ITPR2: variants seen among roughly 807,000 people sequenced by gnomAD.
ITPR2 encodes the protein inositol 1,4,5-trisphosphate receptor type 2.
Under a neutral mutation model 317.1 loss-of-function variants are expected in ITPR2, and 207 were observed. The ratio of observed to expected loss-of-function variants is 0.65; its 90% CI spans 0.58 to 0.73. The LOEUF is 0.73. Among genes scored for constraint, ITPR2 ranks in the 30% least tolerant of loss-of-function variants. The pLI is 0.00. For missense variants in ITPR2, 2,613 were observed against 3,284.0 expected (o/e 0.80, Z 4.99); for synonymous variants, 1,156 against 1,149.1 (o/e 1.01, Z -0.12).
At chr12:26,355,590 T>C (rs963285676) in intron 55 of ITPR2, among the ~76,000 whole-genome samples, 4 of 152,234 alleles carry the variant, frequency 2.6e-5, no homozygotes, top group Non-Finnish European at 5.9e-5. Flanking sequence ...CATATTTCTT[T>C]TGTGAGAGTG....
intron 2 of ITPR2, among the ~76,000 whole-genome samples, chr12:26,749,047 T>G (rs777182487): frequency 2.5e-4 from 38 of 151,832 alleles, no homozygotes; most frequent in Non-Finnish European, 4.6e-4. Context: ...TTACTCAGAT[T>G]TGACTACGTG....
chr12:26,506,155 G>T (rs1236625895), intron 37 of ITPR2, among the ~76,000 whole-genome samples: 1 of 151,498 alleles, frequency 6.6e-6, no homozygotes, highest in African/African-American at 2.4e-5. Flanking sequence ...GATTTCTTGA[G>T]CCCAGGAGTT....
intron 2 of ITPR2, among the ~76,000 whole-genome samples, chr12:26,759,966 C>T (rs540353878): frequency 3.5e-4 from 53 of 152,288 alleles, no homozygotes; most frequent in Middle Eastern, 3.4e-3. Flanking sequence ...GGAATGGATT[C>T]CAGGACCCTC....
rs1017810523 is a variant in ITPR2, at chr12:26,336,662, T to C, written c.*2735A>G. 2 of 152,186 alleles carry C rather than the reference T, an allele frequency of 1.3e-5. No individual in the cohort carries two copies. The highest frequency in any genetic ancestry group is 4.8e-5 in the African/African-American group (2 of 41,454). The allele number at this position is 152,186 out of a possible 1,614,324, so 9.4% of individuals were successfully genotyped here. ...GGAGCACAGAGGGAACAAAACCCTT[T>C]TGAAATTAAAAATATTATTCAGCAG... On this transcript the variant is annotated 3_prime_UTR_variant, in exon 57 of 57. Coordinates refer to ENST00000381340, the MANE Select transcript of ITPR2 (RefSeq NM_002223.4).
At chr12:26,565,072 T>C (rs1411049576) in intron 34 of ITPR2, among the ~76,000 whole-genome samples, 1 of 152,166 alleles carries the variant, frequency 6.6e-6, no homozygotes, top group African/African-American at 2.4e-5. Flanking sequence ...TTTATGTCCA[T>C]CTAAACTAAA....
chr12:26,516,510 AGAATATATATAAG>A (rs1185422789), intron 37 of ITPR2, among the ~76,000 whole-genome samples: 1 of 152,102 alleles, frequency 6.6e-6, no homozygotes, highest in Non-Finnish European at 1.5e-5. Flanking sequence ...ATCAACTGAA[AGAATATATATAAG>A]GAATATAAAG....
chr12:26,347,950 G>A (rs1390486441), intron 55 of ITPR2, among the ~76,000 whole-genome samples: 1 of 152,204 alleles, frequency 6.6e-6, no homozygotes, highest in African/African-American at 2.4e-5. Flanking sequence ...CATTTAATAT[G>A]TACCTTCACC....
chr12:26,578,164 C>G (rs1254863047), intron 34 of ITPR2, among the ~76,000 whole-genome samples: 9 of 151,496 alleles, frequency 5.9e-5, no homozygotes, highest in Admixed American at 2.0e-4. Context: ...CCCTAATTAA[C>G]TTATTAACTT....
chr12:26,550,103 A>C (rs1021041951), intron 37 of ITPR2, 144 bp downstream of exon 37: 1 of 434,056 alleles, frequency 2.3e-6, no homozygotes, highest in Non-Finnish European at 4.0e-6. Context: ...TATCATAAAA[A>C]CTCAAATTAT....
intron 1 of ITPR2, among the ~76,000 whole-genome samples, chr12:26,813,546 C>G (rs1419419597): frequency 6.6e-6 from 1 of 152,172 alleles, no homozygotes; most frequent in African/African-American, 2.4e-5. Context: ...CTTTTTAAAT[C>G]TCGTAGCAGC....
At chr12:26,394,235 A>C (rs1591986763) in intron 54 of ITPR2, among the ~76,000 whole-genome samples, 1 of 152,340 alleles carries the variant, frequency 6.6e-6, no homozygotes, top group Middle Eastern at 3.4e-3. Context: ...AGGATGCAGA[A>C]CCAGTGTAGA....
At chr12:26,759,890 C>G (rs539829139) in intron 2 of ITPR2, among the ~76,000 whole-genome samples, 1 of 152,290 alleles carries the variant, frequency 6.6e-6, no homozygotes, top group African/African-American at 2.4e-5. Context: ...AAAAACAACT[C>G]TCAGCATTTC....
chr12:26,633,708 G>A (rs1216547927), intron 21 of ITPR2, among the ~76,000 whole-genome samples: 3 of 152,198 alleles, frequency 2.0e-5, no homozygotes, highest in African/African-American at 4.8e-5. Flanking sequence ...ACTGCAGGGA[G>A]GCACATCTGG....
intron 55 of ITPR2, among the ~76,000 whole-genome samples, chr12:26,348,470 T>C (rs1938375598): frequency 6.6e-6 from 1 of 152,170 alleles, no homozygotes; most frequent in Non-Finnish European, 1.5e-5. Flanking sequence ...AATTAGGAGA[T>C]ACCCATGACA....
intron 45 of ITPR2, among the ~76,000 whole-genome samples, chr12:26,474,372 T>A (rs1379324071): frequency 6.6e-6 from 1 of 152,252 alleles, no homozygotes; most frequent in Non-Finnish European, 1.5e-5. Flanking sequence ...TTTAAAATGT[T>A]TAACTTCTAA....
intron 26 of ITPR2, among the ~76,000 whole-genome samples, chr12:26,610,731 T>C (rs927165237): frequency 3.3e-5 from 5 of 152,326 alleles, no homozygotes; most frequent in South Asian, 4.1e-4. Flanking sequence ...TAAGTAGGTA[T>C]GTTTAAAATA....
chr12:26,356,426 A>T (rs531607217), intron 55 of ITPR2, among the ~76,000 whole-genome samples: 1 of 152,222 alleles, frequency 6.6e-6, no homozygotes, highest in Non-Finnish European at 1.5e-5. Context: ...GACAAGTGAG[A>T]CCGAAAGAAT....
intron 2 of ITPR2, among the ~76,000 whole-genome samples, chr12:26,782,313 C>T (rs1324238486): frequency 6.6e-6 from 1 of 151,344 alleles, no homozygotes; most frequent in East Asian, 1.9e-4. Context: ...CAAACAGGAG[C>T]CTAACCATAA....
chr12:26,701,256 C>T (rs190511798), intron 9 of ITPR2, among the ~76,000 whole-genome samples: 15 of 152,174 alleles, frequency 9.9e-5, no homozygotes, highest in East Asian at 7.7e-4. Context: ...AGAAGCAGAC[C>T]GTAAGTTTTT....
Sources: gnomAD v4.1 joint callset for allele counts (sites outside exome capture counted in the v4.1 genomes callset) on GRCh38, gnomAD v4.1.1 for gene constraint, MANE v1.5 for transcripts, NCBI Gene and HGNC (gene_info 2026-07-23, HGNC 2026-07-21) for gene names.